ASH2L: variants seen among roughly 807,000 people sequenced by gnomAD.
ASH2L encodes the protein set1/Ash2 histone methyltransferase complex subunit ASH2.
Under a neutral mutation model 81.1 loss-of-function variants are expected in ASH2L, and 30 were observed. That is an observed-to-expected ratio of 0.37 (90% CI 0.28 to 0.50). The LOEUF (loss-of-function observed/expected upper bound fraction) is 0.50. ASH2L is among the 20% of genes least tolerant of loss of function. The pLI, the probability that ASH2L is intolerant of heterozygous loss-of-function variation, is 0.95. For synonymous variants in ASH2L, 273 were observed against 279.9 expected, an observed-to-expected ratio of 0.98 and a Z score of 0.24; for missense variants, 559 against 792.1, an observed-to-expected ratio of 0.71 and a Z score of 3.53.
At chr8:38,112,634 A>G (rs528313019) in intron 5 of ASH2L, among the ~76,000 whole-genome samples, 2 of 152,312 alleles carry the variant, frequency 1.3e-5, no homozygotes, top group Admixed American at 1.3e-4. Flanking sequence ...ATCAGGAGGT[A>G]TATAAGATAT....
chr8:38,114,315 G>T, intron 6 of ASH2L, 28 bp downstream of exon 6: 1 of 1,384,896 alleles, frequency 7.2e-7, no homozygotes, highest in Non-Finnish European at 1.0e-6. Context: ...GATTAGACTT[G>T]ACATTTAAAA....
At chr8:38,106,150 C>G in intron 1 of ASH2L, 2 of 1,531,124 alleles carry the variant, frequency 1.3e-6, no homozygotes, top group Non-Finnish European at 1.7e-6. Context: ...GTAGATTTGA[C>G]TGTAAAGGCC....
At position 38,139,072 on chromosome 8, in the gene ASH2L, C is replaced by A; in HGVS notation, c.*1C>A. 1 of 1,575,464 alleles carries A rather than the reference C, an allele frequency of 6.3e-7. No individual in the cohort carries two copies. Among genetic ancestry groups the A allele is most frequent in the Non-Finnish European group, 8.6e-7 (1 of 1,159,192 alleles). ...GCGCAGTCCCCCATGGGAACCCTGA[C>A]CAGGTCCCTCTTTTCTGTCAAGGAC... On this transcript the variant is annotated 3_prime_UTR_variant, in exon 16 of 16. Coordinates refer to ENST00000343823, the MANE Select transcript of ASH2L (RefSeq NM_004674.5).
intron 5 of ASH2L, among the ~76,000 whole-genome samples, chr8:38,113,680 G>A (rs1384344415): frequency 6.6e-6 from 1 of 152,180 alleles, no homozygotes; most frequent in African/African-American, 2.4e-5. Context: ...GAAGAGTCAA[G>A]GACAACTCTT....
At chr8:38,107,508 T>C (rs979689789) in intron 3 of ASH2L, among the ~76,000 whole-genome samples, 4 of 152,204 alleles carry the variant, frequency 2.6e-5, no homozygotes, top group Non-Finnish European at 5.9e-5. Flanking sequence ...AGAAAGGATA[T>C]ATGTGGATAA....
At chr8:38,112,091 C>T (rs939428186) in intron 5 of ASH2L, among the ~76,000 whole-genome samples, 1 of 152,090 alleles carries the variant, frequency 6.6e-6, no homozygotes, top group Admixed American at 6.5e-5. Flanking sequence ...ACTGCAGCCT[C>T]AACCTCCTGT....
At chr8:38,113,348 A>G (rs944641213) in intron 5 of ASH2L, among the ~76,000 whole-genome samples, 1 of 151,422 alleles carries the variant, frequency 6.6e-6, no homozygotes, top group African/African-American at 2.4e-5. Flanking sequence ...GACTCCTGAA[A>G]CTCTTTGATA....
intron 10 of ASH2L, among the ~76,000 whole-genome samples, chr8:38,126,713 G>T (rs908137832): frequency 1.3e-5 from 2 of 151,684 alleles, no homozygotes; most frequent in Non-Finnish European, 2.9e-5. Flanking sequence ...AATTAGCCGG[G>T]CGTGGTGGCG....
At chr8:38,138,648 A>G in intron 14 of ASH2L, 168 bp from the exon 15 acceptor site, 1 of 577,968 alleles carries the variant, frequency 1.7e-6, no homozygotes, top group Non-Finnish European at 3.0e-6. Context: ...CTTGATGGAC[A>G]TCAGGATGTT....
Position 38,139,365 on chromosome 8 carries a change from T to C in ASH2L, c.*294T>C, listed in dbSNP as rs1346419843. 1 of 269,138 alleles carries C rather than the reference T, an allele frequency of 3.7e-6. No individual in the cohort carries two copies. The highest frequency in any genetic ancestry group is 1.4e-4 in the South Asian group (1 of 7,162). 16.7% of individuals were successfully genotyped at this position (269,138 alleles called of 1,614,324 possible). On this transcript the variant is annotated 3_prime_UTR_variant, in exon 16 of 16. Coordinates refer to ENST00000343823, the MANE Select transcript of ASH2L (RefSeq NM_004674.5). ...TGCATACCCTGCCAGCTGTGACTTG[T>C]TATCCTACTATATTTTCTAAGGAGT...
chr8:38,105,877 TG>T, intron 1 of ASH2L, 139 bp downstream of exon 1: 1 of 1,440,090 alleles, frequency 6.9e-7, no homozygotes, highest in Non-Finnish European at 9.1e-7. Context: ...CTGCGCCGCT[TG>T]GCCCGTCCCC....
Position 38,107,312 on chromosome 8 carries a change from T to C in ASH2L, c.401+146T>C, listed in dbSNP as rs906841551. 7.6e-6 allele frequency: 8 copies of C among 1,047,646 alleles called. No homozygotes were observed. In the African/African-American group the frequency reaches 1.3e-4, roughly 17 times the overall value. 64.9% of individuals were successfully genotyped at this position (1,047,646 alleles called of 1,614,324 possible). A position where few individuals can be genotyped will look rare whatever the true frequency, so the allele number is the denominator to read the frequency against. On this transcript the variant is annotated intron_variant, in intron 3 of 15. Coordinates refer to ENST00000343823, the MANE Select transcript of ASH2L (RefSeq NM_004674.5). The stretch of plus-strand genomic sequence containing the variant: ...AGCAAGTAGGATGTTGAATCAGGAG[T>C]TGTTTTAATTCCCTTAGCATGTTAT...
At chr8:38,133,261 TA>T (rs1172287772) in intron 12 of ASH2L, among the ~76,000 whole-genome samples, 192 bp from the exon 13 acceptor site, 1 of 152,216 alleles carries the variant, frequency 6.6e-6, no homozygotes, top group African/African-American at 2.4e-5. Flanking sequence ...GAAAATGTTT[TA>T]ATAAACATGT....
chr8:38,133,739 G>C (rs1314894741), intron 13 of ASH2L, among the ~76,000 whole-genome samples, 193 bp downstream of exon 13: 1 of 152,166 alleles, frequency 6.6e-6, no homozygotes, highest in Non-Finnish European at 1.5e-5. Context: ...TCTGCTGTTA[G>C]AGACATGATC....
chr8:38,130,009 A>G (rs1010760452), intron 12 of ASH2L, among the ~76,000 whole-genome samples: 2 of 152,160 alleles, frequency 1.3e-5, no homozygotes, highest in Non-Finnish European at 2.9e-5. Context: ...CCTACCATAT[A>G]TGAGGGTTTT....
intron 10 of ASH2L, 27 bp downstream of exon 10, chr8:38,121,176 G>A (rs774149774): frequency 4.4e-6 from 7 of 1,597,998 alleles, no homozygotes; most frequent in Non-Finnish European, 6.0e-6. Flanking sequence ...AGATCATATG[G>A]ATGCAGGGTT....
intron 13 of ASH2L, among the ~76,000 whole-genome samples, chr8:38,134,047 T>C (rs1802161052): frequency 6.6e-6 from 1 of 152,178 alleles, no homozygotes; most frequent in Admixed American, 6.5e-5. Context: ...CTCTGAAACA[T>C]GTGCTGTGTC....
Position 38,114,379 on chromosome 8 carries a change from A to G in ASH2L, c.681+92A>G, listed in dbSNP as rs1810810064. 7 of 806,284 alleles carry G rather than the reference A, an allele frequency of 8.7e-6. No homozygotes were observed. In the South Asian group the frequency reaches 1.3e-4, roughly 14 times the overall value. 49.9% of individuals were successfully genotyped at this position (806,284 alleles called of 1,614,324 possible). A position where few individuals can be genotyped will look rare whatever the true frequency, so the allele number is the denominator to read the frequency against. On this transcript the variant is annotated intron_variant, in intron 6 of 15. Coordinates refer to ENST00000343823, the MANE Select transcript of ASH2L (RefSeq NM_004674.5). ...ATATCGTCTCATTGTGAAATGATAA[A>G]ATTAGAACAACTTAATGTTAAATCT...
intron 3 of ASH2L, among the ~76,000 whole-genome samples, chr8:38,108,508 G>A (rs1810545276): frequency 1.7e-5 from 2 of 116,970 alleles, no homozygotes; most frequent in South Asian, 3.2e-4. Flanking sequence ...CCTATCAGTG[G>A]TATCAAGTTA....
Sources: allele counts gnomAD v4.1 joint callset (sites outside exome capture counted in the v4.1 genomes callset), GRCh38; gene constraint gnomAD v4.1.1; transcripts MANE v1.5; gene names NCBI Gene and HGNC (gene_info 2026-07-23, HGNC 2026-07-21).